SNED1: variants seen among roughly 807,000 people sequenced by gnomAD.
The protein encoded by SNED1 is sushi, nidogen and EGF like domains 1.
Under a neutral mutation model 166.7 loss-of-function variants are expected in SNED1, and 81 were observed. The ratio of observed to expected loss-of-function variants is 0.49; its 90% CI spans 0.41 to 0.58. The LOEUF (loss-of-function observed/expected upper bound fraction) is 0.58, where lower values mean the gene tolerates loss of function less well. Ranked by LOEUF, SNED1 falls within the 20% of genes least tolerant of loss-of-function variation. The pLI is 0.00. For synonymous variants in SNED1, 762 were observed against 822.0 expected, an observed-to-expected ratio of 0.93 and a Z score of 1.25; for missense variants, 1,604 against 2,000.2, an observed-to-expected ratio of 0.80 and a Z score of 3.78.
At chr2:241,090,566 CAGT>C (rs2063884336) in intron 31 of SNED1, 1 of 1,227,964 alleles carries the variant, frequency 8.1e-7, no homozygotes, top group Non-Finnish European at 1.1e-6. Flanking sequence ...CAGGGCAGTG[CAGT>C]AGGTTTGTAT....
At chr2:241,029,104 G>A (rs919627067) in intron 1 of SNED1, among the ~76,000 whole-genome samples, 1 of 152,156 alleles carries the variant, frequency 6.6e-6, no homozygotes, top group Non-Finnish European at 1.5e-5. Flanking sequence ...TAAAAGCATG[G>A]TTCTGGTCAC....
At chr2:241,078,181 G>A (rs958058253) in intron 27 of SNED1, among the ~76,000 whole-genome samples, 14 of 149,980 alleles carry the variant, frequency 9.3e-5, no homozygotes, top group South Asian at 8.3e-4. Flanking sequence ...TCAGGCGTTC[G>A]AGACAAGTCT....
At chr2:241,017,765 A>G (rs944987775) in intron 1 of SNED1, among the ~76,000 whole-genome samples, 2 of 152,200 alleles carry the variant, frequency 1.3e-5, no homozygotes, top group African/African-American at 2.4e-5. Context: ...CATGACCCTC[A>G]GGGGCCCAGG....
chr2:241,087,233 C>A (rs1377538861), intron 29 of SNED1, 159 bp from the exon 30 acceptor site: 1 of 614,272 alleles, frequency 1.6e-6, no homozygotes, highest in Non-Finnish European at 2.9e-6. Flanking sequence ...TTATGTTAGA[C>A]ATTTTAATAC....
chr2:241,081,771 C>A lies in SNED1; in HGVS notation c.4011C>A (p.Phe1337Leu). ...DAHSCDCGPGFKGRRCELACI... is the reference protein window; with the variant it reads ...DAHSCDCGPGLKGRRCELACI... Reference sequence around the variant, plus strand: ...ACAGCTGTGACTGCGGGCCAGGGTTCAAAGGCAGACGCTGCGAGCTCGGTA... The same window carrying A: ...ACAGCTGTGACTGCGGGCCAGGGTTAAAAGGCAGACGCTGCGAGCTCGGTA... Residue 1337 changes from phenylalanine to leucine, a missense_variant, in exon 28 of 32, where the codon TTC (phenylalanine) becomes TTA (leucine). By Grantham distance (22) the Phe-to-Leu change is conservative. Transcript: ENST00000310397. The A allele has an allele frequency of 6.3e-7, 1 of 1,596,790 alleles. No homozygotes were observed. Among genetic ancestry groups the A allele is most frequent in the Non-Finnish European group, 8.5e-7 (1 of 1,171,604 alleles).
Position 241,049,801 on chromosome 2 carries a change from T to A in SNED1, c.1619-16T>A. ...CGGCGTAAGCTCCAGGACCACCCTC[T>A]GTCCCCCGCCCCCAGCCCTGCCATC... On this transcript the variant is annotated splice_polypyrimidine_tract_variant and intron_variant, in intron 11 of 31. Coordinates refer to ENST00000310397, the MANE Select transcript of SNED1 (RefSeq NM_001080437.3). 6.2e-7 allele frequency: 1 copy of A among 1,601,930 alleles called. No individual in the cohort carries two copies. Among genetic ancestry groups the A allele is most frequent in the Non-Finnish European group, 8.6e-7 (1 of 1,169,486 alleles).
chr2:241,030,425 C>A lies in SNED1; in HGVS notation c.355C>A (p.Arg119=), dbSNP rs759445944. 9 of 1,613,412 alleles carry A rather than the reference C, an allele frequency of 5.6e-6. No individual in the cohort carries two copies. Among genetic ancestry groups the A allele is most frequent in the Middle Eastern group, 1.6e-4 (1 of 6,062 alleles). Residue 119 remains arginine, a synonymous_variant, in exon 2 of 32, where the codon CGG becomes AGG. Coordinates refer to ENST00000310397, the MANE Select transcript of SNED1 (RefSeq NM_001080437.3). ...DNRRAGDVYY[R]EATDPAMLRR... is the part of the protein sequence containing the mutation. ...CCGGCGTGCAGGCGACGTGTACTAC[C>A]GGGAGGCCACCGACCCAGCCATGCT...
In SNED1 at chr2:241,095,060, GC is replaced by G. The variant is rs10573691; in HGVS notation, c.*3439del. ...CTCATTGAGTTCCCTAAGGTGACAC[GC>G]CCCCCCCCCCCCCCACACCCACCTT... On this transcript the variant is annotated 3_prime_UTR_variant, in exon 32 of 32. Coordinates refer to ENST00000310397, the MANE Select transcript of SNED1 (RefSeq NM_001080437.3). The G allele has an allele frequency of 0.25, 22,629 of 89,248 alleles. 3,806 individuals carry two copies. Among genetic ancestry groups the G allele is most frequent in the Middle Eastern group, 0.42 (54 of 130 alleles). The allele number at this position is 89,248 out of a possible 1,614,324, so 5.5% of individuals were successfully genotyped here.
chr2:241,042,964 G>T (rs1216104781), intron 8 of SNED1, among the ~76,000 whole-genome samples: 3 of 152,018 alleles, frequency 2.0e-5, no homozygotes, highest in Admixed American at 6.6e-5. Flanking sequence ...TGGAGTCTGT[G>T]AAGGAGGATG....
At chr2:241,042,869 C>T (rs78975545) in intron 8 of SNED1, among the ~76,000 whole-genome samples, 2,441 of 152,146 alleles carry the variant, frequency 0.016, 56 homozygotes, top group African/African-American at 0.049. Flanking sequence ...ACCTGCAGAA[C>T]GATATTAGGG....
chr2:241,032,170 C>T (rs967438344), intron 2 of SNED1, among the ~76,000 whole-genome samples: 3 of 152,016 alleles, frequency 2.0e-5, no homozygotes, highest in East Asian at 1.9e-4. Context: ...GCCAACATGA[C>T]GAACTCCCCT....
rs758195500 is a variant in SNED1 at position 241,053,346 on chromosome 2, G to T, written c.2257+20G>T. On this transcript the variant is annotated intron_variant, in intron 16 of 31. Coordinates refer to ENST00000310397, the MANE Select transcript of SNED1 (RefSeq NM_001080437.3). ...GCCTTGGTGATTCTGTGGGCCCTTG[G>T]GGTGGGGCAGGTGGGGCCCACACCC... The T allele has an allele frequency of 6.1e-5, 94 of 1,546,112 alleles. No homozygotes were observed. In the Admixed American group the frequency reaches 1.3e-3, roughly 21 times the overall value.
chr2:241,021,057 C>T (rs1377022777), intron 1 of SNED1, among the ~76,000 whole-genome samples: 1 of 152,222 alleles, frequency 6.6e-6, no homozygotes, highest in Non-Finnish European at 1.5e-5. Flanking sequence ...AATTCTAGTG[C>T]CTTCTTCCCT....
chr2:241,030,461 A>G lies in SNED1; in HGVS notation c.391A>G (p.Thr131Ala). Residue 131 changes from threonine to alanine, a missense_variant, in exon 2 of 32, where the codon ACG becomes GCG. Around this residue, in one of 2 missense-constraint regions of SNED1, gnomAD observed 1,237 missense variants for 1,620.8 expected, o/e 0.76. Coordinates refer to ENST00000310397, the MANE Select transcript of SNED1 (RefSeq NM_001080437.3). The part of the protein sequence containing the change: ...ATDPAMLRRA[T>A]EDVRHYFPEL... ...CGACCCAGCCATGCTGCGCCGAGCC[A>G]CGGAGGACGTCAGGCACTACTTCCC... 1.2e-6 allele frequency: 2 copies of G among 1,613,868 alleles called. No homozygotes were observed. The highest frequency in any genetic ancestry group is 1.7e-6 in the Non-Finnish European group (2 of 1,179,860).
chr2:240,999,020 G>C lies in SNED1; in HGVS notation c.183G>C (p.Pro61=). ...SGLRPLSVPF[P]FFGAEHSGLY... ...TGCGGCCGCTCTCGGTGCCCTTCCC[G>C]TTCTTCGGTGCCGAGCACTCCGGAC... Residue 61 remains proline (P), a synonymous_variant, in exon 1 of 32, where the codon CCG becomes CCC. Coordinates refer to ENST00000310397, the MANE Select transcript of SNED1 (RefSeq NM_001080437.3). The surrounding 1 kb of genome is among the most constrained non-coding windows in gnomAD (Gnocchi z 5.8). 7.6e-7 allele frequency: 1 copy of C among 1,324,500 alleles called. No homozygotes were observed. The highest frequency in any genetic ancestry group is 1.8e-5 in the South Asian group (1 of 55,214). The allele number at this position is 1,324,500 out of a possible 1,614,324, so 82.0% of individuals were successfully genotyped here. A position where few individuals can be genotyped will look rare whatever the true frequency, so the allele number is the denominator to read the frequency against.
At chr2:241,088,173 C>T in intron 30 of SNED1, 192 bp from the exon 31 acceptor site, 1 of 584,004 alleles carries the variant, frequency 1.7e-6, no homozygotes, top group Non-Finnish European at 3.1e-6. Context: ...AAACTACTGC[C>T]TCAAGCCAGG....
At chr2:241,072,946 G>A (rs2062808404) in intron 26 of SNED1, 1 of 397,214 alleles carries the variant, frequency 2.5e-6, no homozygotes, top group East Asian at 4.0e-5. Context: ...TGCAGAATTT[G>A]ACCCTAAGAA....
In SNED1 at chr2:241,018,299, A is replaced by G. The variant is rs565920457; in HGVS notation, c.214-11985A>G. Among the ~76,000 whole-genome samples the G allele has an allele frequency of 3.3e-5, 5 of 152,356 alleles. No individual in the cohort carries two copies. The East Asian group carries it at 9.7e-4, about 29-fold the overall frequency. On this transcript the variant is annotated intron_variant, in intron 1 of 31. Coordinates refer to ENST00000310397, the MANE Select transcript of SNED1 (RefSeq NM_001080437.3). This position sits in a 1 kb window ranked among gnomAD's most constrained non-coding sequence, Gnocchi z 5.4. ...GATGGAAGCAAGGTTGTGCCCACACATGCACTTACATGGGGGCACGTTTGG... is the reference window on the plus strand; with the variant it reads ...GATGGAAGCAAGGTTGTGCCCACACGTGCACTTACATGGGGGCACGTTTGG...
In SNED1 at chr2:241,053,291, C is replaced by A; in HGVS notation, c.2222C>A (p.Pro741Gln). ...SAPSRIRVCQ[P>Q]HGVWSEPPQC... Reference sequence around the variant, plus strand: ...CCCAGCCGCATCCGGGTCTGCCAGCCACACGGTGTCTGGAGTGAGCCTCCC... The same window carrying A: ...CCCAGCCGCATCCGGGTCTGCCAGCAACACGGTGTCTGGAGTGAGCCTCCC... Residue 741 changes from proline to glutamine, a missense_variant, in exon 16 of 32, where the codon CCA becomes CAA. Transcript: ENST00000310397. 6.3e-7 allele frequency: 1 copy of A among 1,598,456 alleles called. No homozygotes were observed.
Sources: gnomAD v4.1 joint callset for allele counts (sites outside exome capture counted in the v4.1 genomes callset) on GRCh38, gnomAD v4.1.1 for gene constraint, gnomAD v4.1.1 regional missense constraint, Gnocchi (gnomAD v3.1) non-coding constraint, MANE v1.5 for transcripts, NCBI Gene and HGNC (gene_info 2026-07-23, HGNC 2026-07-21) for gene names.